CST2: variants seen among roughly 807,000 people sequenced by gnomAD.
The protein encoded by CST2 is cystatin-SA.
CST2 carries 26 observed loss-of-function variants against 13.4 expected under a neutral mutation model. The observed-to-expected ratio is 1.95, with a 90% CI of 1.43 to 2.70. CST2 has a LOEUF of 2.70. Ranked by LOEUF, CST2 falls within the 30% of genes most tolerant of loss-of-function variation. CST2 has a pLI of 0.00. For missense variants in CST2, 243 were observed against 173.4 expected (o/e 1.40, Z -2.25); for synonymous variants, 105 against 71.1 (o/e 1.48, Z -2.40).
chr20:23,825,532 G>A (rs561907433), intron 1 of CST2, among the ~76,000 whole-genome samples: 2 of 152,226 alleles, frequency 1.3e-5, no homozygotes, highest in African/African-American at 4.8e-5. Context: ...TCTCTGTGCT[G>A]GGTAAAAGGA....
At position 23,825,805 on chromosome 20, in the gene CST2, T is replaced by C. The variant is rs553069207; in HGVS notation, c.229-482A>G. The stretch of plus-strand genomic sequence containing the variant: ...AGAAATGGGGCTGGTCTGGATTCCT[T>C]TGAATTTCCAAGAGAAGGTGGAGGA... On this transcript the variant is annotated intron_variant, in intron 1 of 2. Transcript: ENST00000304725. Among the ~76,000 whole-genome samples, 12 of 152,254 alleles carry C rather than the reference T, an allele frequency of 7.9e-5. No homozygotes were observed. The East Asian group carries it at 2.1e-3, about 27-fold the overall frequency.
At chr20:23,824,466 G>A (rs1331450447) in intron 2 of CST2, among the ~76,000 whole-genome samples, 1 of 152,150 alleles carries the variant, frequency 6.6e-6, no homozygotes, top group Non-Finnish European at 1.5e-5. Flanking sequence ...AGCACTAAGA[G>A]GGGCCAGAGG....
chr20:23,826,596 C>A lies in CST2; in HGVS notation c.65G>T (p.Ser22Ile). The change falls in exon 1 of 3, where the codon AGC (serine) becomes ATC (isoleucine). Residue 22 changes from serine to isoleucine, a missense_variant. Transcript: ENST00000304725. ...LATQAVALAW[S>I]PQEEDRIIEG... The stretch of plus-strand genomic sequence containing the variant: ...GATTATCCTGTCCTCCTCCTGGGGG[C>A]TCCAGGCCAGGGCCACAGCCTGGGT... The A allele has an allele frequency of 6.2e-7, 1 of 1,613,590 alleles. No homozygotes were observed.
rs76198093 is a variant in CST2 at position 23,824,026 on chromosome 20, T to A, written c.420A>T (p.Glu140Asp). 0.04 allele frequency: 65,068 copies of A among 1,613,822 alleles called. 1,736 individuals are homozygous for A. Among genetic ancestry groups the A allele is most frequent in the South Asian group, 0.11 (9,588 of 91,052 alleles). The change falls in exon 3 of 3, where the codon GAA (glutamate) becomes GAT (aspartate). Residue 140 changes from glutamate to aspartate, a missense_variant. Transcript: ENST00000304725. ...RMSLVNSRCQ[E>D]A is the part of the protein sequence containing the mutation. ...GACTCCCTGGCACAGATCCCTAGGC[T>A]TCTTGACACCTGGAATTCACCAGGG...
intron 1 of CST2, 28 bp downstream of exon 1, chr20:23,826,405 G>A (rs373109361): frequency 2.5e-6 from 4 of 1,600,076 alleles, no homozygotes; most frequent in African/African-American, 2.7e-5. Flanking sequence ...CTGGGACTCA[G>A]GACCCCTCAG....
chr20:23,824,092 G>A lies in CST2; in HGVS notation c.354C>T (p.Cys118=). ...AGGGAACTTCGTAGATCTGGAAAGAGCACAACTGTTTCTGTGAAAGGGAAG... is the reference window on the plus strand; with the variant it reads ...AGGGAACTTCGTAGATCTGGAAAGAACACAACTGTTTCTGTGAAAGGGAAG... ...EQPELQKKQL[C]SFQIYEVPWE... Residue 118 remains cysteine (C), a synonymous_variant, in exon 3 of 3, where the codon TGC becomes TGT. Transcript: ENST00000304725. The A allele has an allele frequency of 2.5e-6, 4 of 1,614,048 alleles. No homozygotes were observed. The highest frequency in any genetic ancestry group is 3.4e-6 in the Non-Finnish European group (4 of 1,179,942).
Position 23,823,983 on chromosome 20 carries a change from G to A in CST2, c.*37C>T, listed in dbSNP as rs1184766936. 6.2e-7 allele frequency: 1 copy of A among 1,608,026 alleles called. No homozygotes were observed. The highest frequency in any genetic ancestry group is 8.5e-7 in the Non-Finnish European group (1 of 1,174,854). ...GGTGGGAGCACTACAAGGGGTGGGA[G>A]TAGGAGGTGGTCAGTGTGACTCCCT... On this transcript the variant is annotated 3_prime_UTR_variant, in exon 3 of 3. Transcript: ENST00000304725.
chr20:23,824,010 G>T lies in CST2; in HGVS notation c.*10C>A. 6.2e-7 allele frequency: 1 copy of T among 1,613,816 alleles called. No homozygotes were observed. Among genetic ancestry groups the T allele is most frequent in the South Asian group, 1.1e-5 (1 of 91,074 alleles). On this transcript the variant is annotated 3_prime_UTR_variant, in exon 3 of 3. Transcript: ENST00000304725. ...AGGAGGTGGTCAGTGTGACTCCCTG[G>T]CACAGATCCCTAGGCTTCTTGACAC...
intron 2 of CST2, among the ~76,000 whole-genome samples, chr20:23,824,726 C>T (rs913453439): frequency 6.6e-6 from 1 of 152,064 alleles, no homozygotes. Flanking sequence ...AGCCCCTTCT[C>T]CCTGCCCAGC....
At position 23,826,690 on chromosome 20, in the gene CST2, G is replaced by C; in HGVS notation, c.-30C>G. ...TCCTCGGAGGCAGAGCACAGAGCTGGAGCTGCAGGAGAGGAGGTTGAGAGC... is the reference window on the plus strand; with the variant it reads ...TCCTCGGAGGCAGAGCACAGAGCTGCAGCTGCAGGAGAGGAGGTTGAGAGC... On this transcript the variant is annotated 5_prime_UTR_variant, in exon 1 of 3. Coordinates refer to ENST00000304725, the MANE Select transcript of CST2 (RefSeq NM_001322.3). The C allele has an allele frequency of 1.3e-6, 2 of 1,550,448 alleles. No individual in the cohort carries two copies. The highest frequency in any genetic ancestry group is 1.7e-6 in the Non-Finnish European group (2 of 1,147,920).
At position 23,825,320 on chromosome 20, in the gene CST2, C is replaced by T. The variant is rs141816898; in HGVS notation, c.232G>A (p.Val78Met). Residue 78 changes from valine to methionine, a missense_variant, in exon 2 of 3, where the codon GTG becomes ATG. Val to Met is a conservative substitution (Grantham distance 21, BLOSUM62 1). Transcript: ENST00000304725. Reference sequence around the variant, plus strand: ...TCGAAGAAGTAATTCACCCCGCCCACGATCTACACACATGAGAAAACAGGA... The same window carrying T: ...TCGAAGAAGTAATTCACCCCGCCCATGATCTACACACATGAGAAAACAGGA... ...LRVLRAREQIVGGVNYFFDIE... is the reference protein window; with the variant it reads ...LRVLRAREQIMGGVNYFFDIE... 1.8e-5 allele frequency: 26 copies of T among 1,455,252 alleles called. No homozygotes were observed. The highest frequency in any genetic ancestry group is 1.8e-4 in the Middle Eastern group (1 of 5,560). The allele number at this position is 1,455,252 out of a possible 1,614,324, so 90.1% of individuals were successfully genotyped here.
intron 2 of CST2, 24 bp from the exon 3 acceptor site, chr20:23,824,127 C>G (rs1462965993): frequency 6.2e-7 from 1 of 1,610,828 alleles, no homozygotes; most frequent in Non-Finnish European, 8.5e-7. Flanking sequence ...GAGAGAGGGC[C>G]AATCAGTGTG....
intron 2 of CST2, among the ~76,000 whole-genome samples, chr20:23,824,628 G>A (rs1418038785): frequency 6.6e-6 from 1 of 152,074 alleles, no homozygotes; most frequent in Middle Eastern, 3.2e-3. Flanking sequence ...CAGGTCCAGG[G>A]CTTCCCAGCT....
intron 2 of CST2, among the ~76,000 whole-genome samples, 160 bp from the exon 3 acceptor site, chr20:23,824,263 G>C (rs1984757054): frequency 6.6e-6 from 1 of 151,034 alleles, no homozygotes; most frequent in South Asian, 2.1e-4. Flanking sequence ...AGAATGAATA[G>C]TGACTGTTCC....
intron 2 of CST2, 46 bp downstream of exon 2, chr20:23,825,164 C>T (rs373216205): frequency 6.2e-7 from 1 of 1,606,792 alleles, no homozygotes; most frequent in Admixed American, 1.7e-5. Flanking sequence ...ACATACGCAC[C>T]CCTCTGCAGT....
intron 2 of CST2, 122 bp downstream of exon 2, chr20:23,825,088 A>T (rs1471026568): frequency 1.6e-4 from 223 of 1,362,642 alleles, no homozygotes; most frequent in Non-Finnish European, 2.3e-4. Context: ...ATCCATGCAT[A>T]CATGACTCCC....
chr20:23,824,055 TTCTG>T lies in CST2; in HGVS notation c.387_390del (p.Asp129GlufsTer5). The stretch of plus-strand genomic sequence containing the variant: ...TGACACCTGGAATTCACCAGGGACA[TTCTG>T]TCCTCCCAGGGAACTTCGTAGATCT... On this transcript the variant is annotated frameshift_variant, in exon 3 of 3. Transcript: ENST00000304725. LOFTEE classifies it high-confidence loss of function. 6.2e-7 allele frequency: 1 copy of T among 1,614,114 alleles called. No homozygotes were observed. The highest frequency in any genetic ancestry group is 1.1e-5 in the South Asian group (1 of 91,082).
chr20:23,824,838 A>C lies in CST2; in HGVS notation c.342+372T>G, dbSNP rs187669204. Among the ~76,000 whole-genome samples, 595 of 152,076 alleles carry C rather than the reference A, an allele frequency of 3.9e-3. 1 individual carries two copies. The highest frequency in any genetic ancestry group is 6.4e-3 in the Non-Finnish European group (436 of 67,984). On this transcript the variant is annotated intron_variant, in intron 2 of 2. Transcript: ENST00000304725. Reference sequence around the variant, plus strand: ...TTCCCAAGCTGAAGGCTTCCTAGCAAATCAAACACATCACCCTCCTCCCTC... The same window carrying C: ...TTCCCAAGCTGAAGGCTTCCTAGCACATCAAACACATCACCCTCCTCCCTC...
Position 23,825,270 on chromosome 20 carries a change from A to G in CST2, c.282T>C (p.Cys94=), listed in dbSNP as rs759641740. Residue 94 remains cysteine, a synonymous_variant, in exon 2 of 3, where the codon TGT becomes TGC. Transcript: ENST00000304725. Reference sequence around the variant, plus strand: ...TGTCCAAGTTGGGCTGGGACTTGGTACATATGGTTCGGCCCACCTCTATGT... The same window carrying G: ...TGTCCAAGTTGGGCTGGGACTTGGTGCATATGGTTCGGCCCACCTCTATGT... ...FFDIEVGRTI[C]TKSQPNLDTC... The G allele has an allele frequency of 1.2e-6, 2 of 1,614,108 alleles. No individual in the cohort carries two copies. Among genetic ancestry groups the G allele is most frequent in the South Asian group, 1.1e-5 (1 of 91,068 alleles).
Sources: gnomAD v4.1 joint callset for allele counts (sites outside exome capture counted in the v4.1 genomes callset) on GRCh38, gnomAD v4.1.1 for gene constraint, MANE v1.5 for transcripts, NCBI Gene and HGNC (gene_info 2026-07-23, HGNC 2026-07-21) for gene names.